SEPTIN12: variants seen among roughly 807,000 people sequenced by gnomAD.
SEPTIN12 encodes septin 12.
SEPTIN12 carries 42 observed loss-of-function variants against 37.7 expected under a neutral mutation model. The ratio of observed to expected loss-of-function variants is 1.11; its 90% CI spans 0.87 to 1.44. The LOEUF is 1.44. Ranked by LOEUF, SEPTIN12 falls within the 40% of genes most tolerant of loss-of-function variation. SEPTIN12 has a pLI of 0.00. For missense variants in SEPTIN12, 613 were observed against 479.2 expected, an observed-to-expected ratio of 1.28 and a Z score of -2.61; for synonymous variants, 254 against 196.7, an observed-to-expected ratio of 1.29 and a Z score of -2.44.
At chr16:4,778,667 G>A (rs566678965) in intron 8 of SEPTIN12, among the ~76,000 whole-genome samples, 103 of 152,050 alleles carry the variant, frequency 6.8e-4, no homozygotes, top group South Asian at 1.0e-3. Flanking sequence ...CGGGTGTGGT[G>A]GTATAATCTG....
rs374682577 is a variant in SEPTIN12 at position 4,787,630 on chromosome 16, G to A, written c.16C>T (p.Arg6Cys). 6.3e-6 allele frequency: 10 copies of A among 1,590,084 alleles called. No homozygotes were observed. In the African/African-American group the frequency reaches 6.7e-5, roughly 11 times the overall value. Residue 6 changes from arginine to cysteine, a missense_variant, in exon 2 of 10, where the codon CGC (arginine) becomes TGC (cysteine). By Grantham distance (180) the Arg-to-Cys change is radical. Coordinates refer to ENST00000268231, the MANE Select transcript of SEPTIN12 (RefSeq NM_144605.5). MDPLR[R>C]SPSPCLSSQP... Reference sequence around the variant, plus strand: ...GAGGACAGGCAGGGAGAGGGGGAGCGCCTCAGGGGGTCCATGGGGGCCAAG... The same window carrying A: ...GAGGACAGGCAGGGAGAGGGGGAGCACCTCAGGGGGTCCATGGGGGCCAAG...
At chr16:4,779,873 G>A in intron 7 of SEPTIN12, 87 bp from the exon 8 acceptor site, 1 of 847,062 alleles carries the variant, frequency 1.2e-6, no homozygotes, top group East Asian at 2.5e-5. Context: ...CAGGAGAGGG[G>A]AGTCCTATCC....
chr16:4,782,910 A>AT (rs60734037), intron 7 of SEPTIN12, among the ~76,000 whole-genome samples: 187 of 121,486 alleles, frequency 1.5e-3, no homozygotes, highest in African/African-American at 5.4e-3. Flanking sequence ...CGGCCAACAC[A>AT]TTTTTTTTTT....
upstream of SEPTIN12, among the ~76,000 whole-genome samples, chr16:4,790,694 A>G (rs2082537941): frequency 6.6e-6 from 1 of 152,194 alleles, no homozygotes; most frequent in East Asian, 1.9e-4. Context: ...AGGCTGAGGC[A>G]GGGAGAATAG....
At chr16:4,783,052 C>T (rs1285260527) in intron 7 of SEPTIN12, among the ~76,000 whole-genome samples, 8 of 152,024 alleles carry the variant, frequency 5.3e-5, no homozygotes, top group African/African-American at 1.7e-4. Flanking sequence ...GGACTAAAGG[C>T]GTGCACCACC....
At chr16:4,783,887 G>A (rs1408265131) in intron 5 of SEPTIN12, 44 bp downstream of exon 5, 1 of 1,612,746 alleles carries the variant, frequency 6.2e-7, no homozygotes, top group African/African-American at 1.3e-5. Context: ...CCTCCTCCCT[G>A]CCCCGTGCAG....
chr16:4,784,296 A>G, intron 4 of SEPTIN12: 1 of 553,568 alleles, frequency 1.8e-6, no homozygotes, highest in Non-Finnish European at 3.3e-6. Flanking sequence ...TGGAGACAAT[A>G]GTAGCACCTA....
At chr16:4,784,178 G>T in intron 4 of SEPTIN12, 110 bp from the exon 5 acceptor site, 3 of 1,297,800 alleles carry the variant, frequency 2.3e-6, no homozygotes, top group Admixed American at 1.8e-5. Flanking sequence ...GAATCGTCCC[G>T]GTTGGCCCGG....
intron 2 of SEPTIN12, among the ~76,000 whole-genome samples, chr16:4,786,466 T>C (rs1185105556): frequency 6.7e-6 from 1 of 149,202 alleles, no homozygotes; most frequent in Non-Finnish European, 1.5e-5. Context: ...GCCATTCCCC[T>C]GTCTCAGCCT....
intron 7 of SEPTIN12, 125 bp downstream of exon 7, chr16:4,783,337 G>C: frequency 1.3e-6 from 1 of 780,618 alleles, no homozygotes; most frequent in Non-Finnish European, 2.2e-6. Context: ...TGGATGAGTA[G>C]AGAATCATAT....
chr16:4,783,988 T>A lies in SEPTIN12; in HGVS notation c.455A>T (p.His152Leu). The change falls in exon 5 of 10, where the codon CAC becomes CTC. Residue 152 changes from histidine (H) to leucine (L), a missense_variant. By Grantham distance (99) the His-to-Leu change is moderately conservative. Coordinates refer to ENST00000268231, the MANE Select transcript of SEPTIN12 (RefSeq NM_144605.5). ...QEEILITRQRHIPDTRVHCCV... is the reference protein window; with the variant it reads ...QEEILITRQRLIPDTRVHCCV... Reference sequence around the variant, plus strand: ...GCAGTGCACCCGGGTGTCTGGGATGTGGCGCTGGCGGGTGATGAGGATCTC... The same window carrying A: ...GCAGTGCACCCGGGTGTCTGGGATGAGGCGCTGGCGGGTGATGAGGATCTC... 6.2e-7 allele frequency: 1 copy of A among 1,614,106 alleles called. No individual in the cohort carries two copies. The highest frequency in any genetic ancestry group is 8.5e-7 in the Non-Finnish European group (1 of 1,180,010).
chr16:4,787,467 A>G lies in SEPTIN12; in HGVS notation c.166+13T>C, dbSNP rs756282398. 1.9e-6 allele frequency: 3 copies of G among 1,611,212 alleles called. No individual in the cohort carries two copies. In the Admixed American group the frequency reaches 5.0e-5, roughly 27 times the overall value. On this transcript the variant is annotated intron_variant, in intron 2 of 9. Transcript: ENST00000268231. ...GTGGGTCTGTCCTGCCGTGGGCCCT[A>G]CCTCTCACTCACCCACCACCATGAT...
Position 4,783,784 on chromosome 16 carries a change from G to C in SEPTIN12, c.513-18C>G. The C allele has an allele frequency of 6.2e-7, 1 of 1,611,388 alleles. No individual in the cohort carries two copies. The highest frequency in any genetic ancestry group is 8.5e-7 in the Non-Finnish European group (1 of 1,177,980). Reference sequence around the variant, plus strand: ...GCCGCAGGCTGCCGGAGGCAGGGCAGTGATGGGGGTGGCGGTGGTGGTGAG... The same window carrying C: ...GCCGCAGGCTGCCGGAGGCAGGGCACTGATGGGGGTGGCGGTGGTGGTGAG... On this transcript the variant is annotated intron_variant, in intron 5 of 9. Transcript: ENST00000268231.
chr16:4,782,665 G>A (rs1012226510), intron 7 of SEPTIN12, among the ~76,000 whole-genome samples: 1 of 151,782 alleles, frequency 6.6e-6, no homozygotes. Context: ...GTGCAGTGGC[G>A]CAATCTCGGC....
At chr16:4,780,637 C>CAT (rs2082362430) in intron 7 of SEPTIN12, among the ~76,000 whole-genome samples, 2 of 152,142 alleles carry the variant, frequency 1.3e-5, no homozygotes, top group African/African-American at 4.8e-5. Flanking sequence ...TCCGAAGTGA[C>CAT]ATATATGGGT....
intron 7 of SEPTIN12, among the ~76,000 whole-genome samples, chr16:4,781,785 C>A (rs1257746691): frequency 2.0e-5 from 3 of 151,054 alleles, no homozygotes; most frequent in Non-Finnish European, 2.9e-5. Flanking sequence ...GCTGGGATTA[C>A]AGGCATGCAC....
At position 4,787,576 on chromosome 16, in the gene SEPTIN12, A is replaced by C; in HGVS notation, c.70T>G (p.Cys24Gly). The change falls in exon 2 of 10, where the codon TGC (cysteine) becomes GGC (glycine). Residue 24 changes from cysteine to glycine, a missense_variant. Transcript: ENST00000268231. ...ATGCCCACAGGACCAAGCATCTCGC[A>C]GGGTGGGGTGCTGGGGCTGGAGGGC... ...SQPSSPSTPP[C>G]EMLGPVGIEA... 1.2e-6 allele frequency: 2 copies of C among 1,609,516 alleles called. No individual in the cohort carries two copies. Among genetic ancestry groups the C allele is most frequent in the Middle Eastern group, 1.7e-4 (1 of 6,058 alleles).
rs1015601111 is a variant in SEPTIN12 at position 4,787,628 on chromosome 16, G to A, written c.18C>T (p.Arg6=). The A allele has an allele frequency of 3.1e-6, 5 of 1,593,566 alleles. No homozygotes were observed. The Admixed American group carries it at 8.4e-5, about 27-fold the overall frequency. The change falls in exon 2 of 10, where the codon CGC becomes CGT. Residue 6 remains arginine, a synonymous_variant. Coordinates refer to ENST00000268231, the MANE Select transcript of SEPTIN12 (RefSeq NM_144605.5). ...GCGAGGACAGGCAGGGAGAGGGGGAGCGCCTCAGGGGGTCCATGGGGGCCA... is the reference window on the plus strand; with the variant it reads ...GCGAGGACAGGCAGGGAGAGGGGGAACGCCTCAGGGGGTCCATGGGGGCCA... MDPLR[R]SPSPCLSSQP...
chr16:4,778,274 GTTCA>G (rs2082335621), intron 8 of SEPTIN12, 137 bp from the exon 9 acceptor site: 13 of 913,284 alleles, frequency 1.4e-5, no homozygotes, highest in Non-Finnish European at 1.9e-5. Flanking sequence ...CCCTTTGTTG[GTTCA>G]TTCATTCATT....
Sources: gnomAD v4.1 joint callset for allele counts (sites outside exome capture counted in the v4.1 genomes callset) on GRCh38, gnomAD v4.1.1 for gene constraint, MANE v1.5 for transcripts, NCBI Gene and HGNC (gene_info 2026-07-23, HGNC 2026-07-21) for gene names.